The following ANKRD42 variants were observed in gnomAD, a reference collection of about 807,000 sequenced individuals.
ANKRD42 encodes ankyrin repeat domain-containing protein 42.
In ANKRD42, 43 loss-of-function variants were observed where a neutral mutation model predicts 51.5. The observed-to-expected ratio is 0.83, with a 90% CI of 0.65 to 1.08. The LOEUF (loss-of-function observed/expected upper bound fraction) is 1.08, where lower values mean the gene tolerates loss of function less well. Among genes scored for constraint, ANKRD42 ranks in the 50% least tolerant of loss-of-function variants. ANKRD42 has a pLI of 0.00. For missense variants in ANKRD42, 608 were observed against 629.3 expected, an observed-to-expected ratio of 0.97 and a Z score of 0.36; for synonymous variants, 203 against 213.0, an observed-to-expected ratio of 0.95 and a Z score of 0.41.
chr11:83,201,157 A>AC (rs1167337942), intron 2 of ANKRD42, among the ~76,000 whole-genome samples: 3 of 148,088 alleles, frequency 2.0e-5, no homozygotes, highest in Admixed American at 1.3e-4. Flanking sequence ...CTAACCCTCC[A>AC]CCCCCCGACA....
chr11:83,248,515 A>G lies in ANKRD42; in HGVS notation c.*311A>G, dbSNP rs1863610858. 1.9e-6 allele frequency: 2 copies of G among 1,026,942 alleles called. No homozygotes were observed. Among genetic ancestry groups the G allele is most frequent in the African/African-American group, 3.4e-5 (2 of 58,808 alleles). The allele number at this position is 1,026,942 out of a possible 1,614,324, so 63.6% of individuals were successfully genotyped here. ...GGATATGTATATTTTAATATTCTAA[A>G]TAACCAAAATAAAGTGCTTTGAATG... On this transcript the variant is annotated 3_prime_UTR_variant, in exon 11 of 11. Coordinates refer to ENST00000533342, the MANE Select transcript of ANKRD42 (RefSeq NM_001300975.2).
chr11:83,211,633 C>CA (rs796348054), intron 5 of ANKRD42, among the ~76,000 whole-genome samples: 4,163 of 107,484 alleles, frequency 0.039, 79 homozygotes, highest in Middle Eastern at 0.13. Flanking sequence ...CCACTCTCTA[C>CA]AAAAAAAAAA....
At chr11:83,236,630 G>T in intron 8 of ANKRD42, 121 bp downstream of exon 8, 1 of 662,408 alleles carries the variant, frequency 1.5e-6, no homozygotes, top group South Asian at 2.8e-5. Context: ...AAATACAGAT[G>T]GAATGACAAT....
intron 2 of ANKRD42, among the ~76,000 whole-genome samples, chr11:83,200,869 A>C (rs1279778384): frequency 6.6e-6 from 1 of 152,158 alleles, no homozygotes; most frequent in African/African-American, 2.4e-5. Flanking sequence ...TTATTTCTCT[A>C]ACCTCATCTC....
At position 83,201,083 on chromosome 11, in the gene ANKRD42, C is replaced by T. The variant is rs1337265333; in HGVS notation, c.222+2441C>T. On this transcript the variant is annotated intron_variant, in intron 2 of 10. Coordinates refer to ENST00000533342, the MANE Select transcript of ANKRD42 (RefSeq NM_001300975.2). ...TGCCATGGTGGTTTGCTGCACCCAA[C>T]AACCAGTCTTCTAGGTTTTAAGCCC... Among the ~76,000 whole-genome samples, 7 of 152,068 alleles carry T rather than the reference C, an allele frequency of 4.6e-5. No homozygotes were observed. In the East Asian group the frequency reaches 1.3e-3, roughly 29 times the overall value.
intron 5 of ANKRD42, chr11:83,212,834 G>T (rs1362500962): frequency 7.0e-7 from 1 of 1,435,762 alleles, no homozygotes; most frequent in Non-Finnish European, 9.1e-7. Flanking sequence ...CTTTTGGTAT[G>T]AACTCTTTCA....
intron 5 of ANKRD42, among the ~76,000 whole-genome samples, chr11:83,220,498 T>G (rs997959170): frequency 6.6e-6 from 1 of 152,098 alleles, no homozygotes; most frequent in Non-Finnish European, 1.5e-5. Context: ...GCCAAAGAAT[T>G]GGTGTGGTGG....
chr11:83,197,989 A>G (rs561344826), intron 1 of ANKRD42, among the ~76,000 whole-genome samples: 2 of 152,294 alleles, frequency 1.3e-5, no homozygotes, highest in African/African-American at 4.8e-5. Flanking sequence ...GGCTTTTCAC[A>G]ATGGTAACCT....
At chr11:83,217,967 C>T in intron 5 of ANKRD42, among the ~76,000 whole-genome samples, 1 of 152,116 alleles carries the variant, frequency 6.6e-6, no homozygotes, top group Non-Finnish European at 1.5e-5. Context: ...ACCGAGGTTG[C>T]CAGGTTTAGT....
At position 83,194,652 on chromosome 11, in the gene ANKRD42, G is replaced by T; in HGVS notation, c.-19G>T. The T allele has an allele frequency of 6.2e-7, 1 of 1,613,492 alleles. No individual in the cohort carries two copies. On this transcript the variant is annotated 5_prime_UTR_variant, in exon 1 of 11. Transcript: ENST00000533342. ...GGGGCCTGGACTCAACTCCTCCCCA[G>T]AGTCGGAGGTGTTGCGCCATGCCCG...
Position 83,248,374 on chromosome 11 carries a change from A to T in ANKRD42, c.*170A>T. On this transcript the variant is annotated 3_prime_UTR_variant, in exon 11 of 11. Transcript: ENST00000533342. Reference sequence around the variant, plus strand: ...TATAACTTTCTAGATACATACACACATCTGTCTATCTATCTTCAAACAGCA... The same window carrying T: ...TATAACTTTCTAGATACATACACACTTCTGTCTATCTATCTTCAAACAGCA... 2 of 1,320,344 alleles carry T rather than the reference A, an allele frequency of 1.5e-6. No individual in the cohort carries two copies. Among genetic ancestry groups the T allele is most frequent in the Non-Finnish European group, 1.9e-6 (2 of 1,042,186 alleles). The allele number at this position is 1,320,344 out of a possible 1,614,324, so 81.8% of individuals were successfully genotyped here.
In ANKRD42 at chr11:83,225,001, T is replaced by C. The variant is rs1418541257; in HGVS notation, c.733T>C (p.Leu245=). 2 of 1,613,246 alleles carry C rather than the reference T, an allele frequency of 1.2e-6. No individual in the cohort carries two copies. The highest frequency in any genetic ancestry group is 1.7e-6 in the Non-Finnish European group (2 of 1,179,476). ...CCAGAGGTTCTTCAAGCAGAACATT[T>C]TACAGTTTATCCAGGGGGCTGAGTA... ...LAQRFFKQNI[L]QFIQGAEYEG... The change falls in exon 6 of 11, where the codon TTA becomes CTA. Residue 245 remains leucine (L), a synonymous_variant. Transcript: ENST00000533342.
chr11:83,225,430 G>A (rs989663092), intron 6 of ANKRD42, among the ~76,000 whole-genome samples: 2 of 151,788 alleles, frequency 1.3e-5, no homozygotes, highest in Non-Finnish European at 2.9e-5. Context: ...AGCTGTATGT[G>A]GAGGCATGCC....
chr11:83,261,999 G>A (rs74871567), downstream of ANKRD42: 6,502 of 1,464,076 alleles, frequency 4.4e-3, 144 homozygotes, highest in African/African-American at 0.06. Context: ...TATAGGTCTT[G>A]TATCTGTAAT....
intron 5 of ANKRD42, among the ~76,000 whole-genome samples, chr11:83,222,036 A>G (rs1437769194): frequency 6.6e-6 from 1 of 152,156 alleles, no homozygotes; most frequent in East Asian, 1.9e-4. Context: ...AGAAATTTCC[A>G]TGAACTTTGT....
chr11:83,257,620 G>T (rs1051547192), downstream of ANKRD42, among the ~76,000 whole-genome samples: 5 of 152,176 alleles, frequency 3.3e-5, no homozygotes, highest in East Asian at 9.6e-4. Flanking sequence ...GGCAGCAAAA[G>T]TCTGCATTCT....
At chr11:83,228,274 C>A (rs1862959558) in intron 7 of ANKRD42, among the ~76,000 whole-genome samples, 1 of 91,660 alleles carries the variant, frequency 1.1e-5, no homozygotes, top group Non-Finnish European at 2.0e-5. Context: ...TTTTTTAGAC[C>A]GGGTCTGGTT....
rs1204175744 is a variant in ANKRD42, at chr11:83,248,658, GCTT to G, written c.*458_*460del. ...CTATTAATATTATAGAATCTTCCTG[GCTT>G]CTTTTTATTTTGCACAAACTAGTCA... is the stretch of plus-strand genomic sequence containing the variant. On this transcript the variant is annotated 3_prime_UTR_variant, in exon 11 of 11. Coordinates refer to ENST00000533342, the MANE Select transcript of ANKRD42 (RefSeq NM_001300975.2). 3 of 984,732 alleles carry G rather than the reference GCTT, an allele frequency of 3.0e-6. No homozygotes were observed. Among genetic ancestry groups the G allele is most frequent in the East Asian group, 1.1e-4 (1 of 8,822 alleles). The allele number at this position is 984,732 out of a possible 1,614,324, so 61.0% of individuals were successfully genotyped here. A position where few individuals can be genotyped will look rare whatever the true frequency, so the allele number is the denominator to read the frequency against.
intron 5 of ANKRD42, among the ~76,000 whole-genome samples, chr11:83,211,901 C>T (rs1026725317): frequency 6.6e-6 from 1 of 152,062 alleles, no homozygotes; most frequent in African/African-American, 2.4e-5. Context: ...TCTTACATCA[C>T]ACCCATCTTA....
Sources: gnomAD v4.1 joint callset for allele counts (sites outside exome capture counted in the v4.1 genomes callset) on GRCh38, gnomAD v4.1.1 for gene constraint, MANE v1.5 for transcripts, NCBI Gene and HGNC (gene_info 2026-07-23, HGNC 2026-07-21) for gene names.